The following NWD2 variants were observed in gnomAD, a reference collection of about 807,000 sequenced individuals.
NWD2 encodes NACHT and WD repeat domain-containing protein 2.
In NWD2, 37 loss-of-function variants were observed where a neutral mutation model predicts 132.7. That is an observed-to-expected ratio of 0.28 (90% CI 0.21 to 0.37). The LOEUF (loss-of-function observed/expected upper bound fraction) is 0.37. Among genes scored for constraint, NWD2 ranks in the 10% least tolerant of loss-of-function variants. The probability of loss-of-function intolerance (pLI) is 1.00; values close to 1 mark genes in which losing one functional copy is unlikely to be tolerated. For synonymous variants in NWD2, 705 were observed against 803.0 expected (o/e 0.88, Z 2.06); for missense variants, 1,592 against 2,122.4 (o/e 0.75, Z 4.91).
chr4:37,424,243 A>G lies in NWD2; in HGVS notation c.358-6329A>G, dbSNP rs536729003. On this transcript the variant is annotated intron_variant, in intron 3 of 6. Transcript: ENST00000309447. ...GGTAGCCCTGCCAAGGGTACTGCCT[A>G]CAAGAGCTATCACAATCAAATGAGC... 5.9e-5 allele frequency among the ~76,000 whole-genome samples: 9 copies of G among 152,364 alleles called. No individual in the cohort carries two copies. In the South Asian group the frequency reaches 1.5e-3, roughly 25 times the overall value.
intron 1 of NWD2, among the ~76,000 whole-genome samples, chr4:37,308,979 G>A (rs994963054): frequency 1.3e-5 from 2 of 152,214 alleles, no homozygotes; most frequent in African/African-American, 2.4e-5. Context: ...ATCAGTGGCA[G>A]CAGACATCAG....
At chr4:37,367,612 G>A (rs141152701) in intron 3 of NWD2, among the ~76,000 whole-genome samples, 168 of 152,256 alleles carry the variant, frequency 1.1e-3, no homozygotes, top group Non-Finnish European at 1.6e-3. Context: ...GCTGGAAAGA[G>A]CCTTAAGATA....
intron 3 of NWD2, among the ~76,000 whole-genome samples, chr4:37,397,818 C>T (rs1171306953): frequency 6.6e-6 from 1 of 151,296 alleles, no homozygotes; most frequent in Admixed American, 6.6e-5. Flanking sequence ...TCTCTTTCTC[C>T]CTCCCTCCTC....
intron 1 of NWD2, among the ~76,000 whole-genome samples, chr4:37,318,271 T>C (rs749524840): frequency 7.2e-5 from 11 of 152,000 alleles, no homozygotes; most frequent in Non-Finnish European, 1.5e-4. Context: ...GGCGATCCAC[T>C]GACCTTGGCC....
chr4:37,443,335 C>A lies in NWD2; in HGVS notation c.1347C>A (p.Val449=), dbSNP rs747628178. The A allele has an allele frequency of 1.3e-6, 2 of 1,551,722 alleles. No individual in the cohort carries two copies. Among genetic ancestry groups the A allele is most frequent in the South Asian group, 2.4e-5 (2 of 84,052 alleles). ...EDTGPESDPV[V]IVRFLGTTDM... ...CAGGACCAGAATCTGACCCAGTAGT[C>A]ATCGTGAGATTTCTAGGAACGACAG... The change falls in exon 7 of 7, where the codon GTC becomes GTA. Residue 449 remains valine (V), a synonymous_variant. Transcript: ENST00000309447. The surrounding 1 kb of genome is among the most constrained non-coding windows in gnomAD (Gnocchi z 4.1).
intron 1 of NWD2, among the ~76,000 whole-genome samples, chr4:37,285,071 C>A (rs1461636349): frequency 6.6e-6 from 1 of 151,998 alleles, no homozygotes; most frequent in Middle Eastern, 3.2e-3. Flanking sequence ...ACCGTCAGTA[C>A]CATACAATGT....
intron 1 of NWD2, among the ~76,000 whole-genome samples, chr4:37,314,485 C>T (rs1454517970): frequency 6.6e-6 from 1 of 152,056 alleles, no homozygotes; most frequent in Non-Finnish European, 1.5e-5. Context: ...CTTCCTGAGT[C>T]AGTTTTAGTA....
Position 37,282,692 on chromosome 4 carries a change from C to G in NWD2, c.151+37474C>G, listed in dbSNP as rs553120004. ...ATCTTATGTTTTGGGGCATTAGTGT[C>G]TCTTTGCTGGGTTCTGGTTACACAC... On this transcript the variant is annotated intron_variant, in intron 1 of 6. Transcript: ENST00000309447. 9.2e-5 allele frequency among the ~76,000 whole-genome samples: 14 copies of G among 152,258 alleles called. No individual in the cohort carries two copies. In the South Asian group the frequency reaches 2.9e-3, roughly 32 times the overall value.
chr4:37,352,683 ACTTTTTGCTTT>A (rs967427898), intron 2 of NWD2, among the ~76,000 whole-genome samples: 15 of 149,012 alleles, frequency 1.0e-4, no homozygotes, highest in African/African-American at 3.4e-4. Context: ...GATTGGTTTT[ACTTTTTGCTTT>A]CCATTTGCTT....
At chr4:37,403,420 A>T (rs1308847454) in intron 3 of NWD2, among the ~76,000 whole-genome samples, 1 of 151,992 alleles carries the variant, frequency 6.6e-6, no homozygotes. Flanking sequence ...ACATGTGCAA[A>T]GATCTAGGGG....
At chr4:37,287,030 G>A (rs1434204802) in intron 1 of NWD2, among the ~76,000 whole-genome samples, 1 of 152,168 alleles carries the variant, frequency 6.6e-6, no homozygotes, top group African/African-American at 2.4e-5. Flanking sequence ...GGAAGGAAGA[G>A]CAATGTGGTA....
At position 37,439,330 on chromosome 4, in the gene NWD2, T is replaced by C. The variant is rs1712418666; in HGVS notation, c.1236T>C (p.Leu412=). The C allele has an allele frequency of 1.3e-6, 2 of 1,543,468 alleles. No individual in the cohort carries two copies. Among genetic ancestry groups the C allele is most frequent in the Non-Finnish European group, 1.7e-6 (2 of 1,144,142 alleles). Residue 412 remains leucine, a synonymous_variant, in exon 6 of 7, where the codon CTT becomes CTC. Transcript: ENST00000309447. The surrounding 1 kb of genome is among the most constrained non-coding windows in gnomAD (Gnocchi z 4.5). ...LPSKAGHINP[L]IIYGGPCTGK... is the part of the protein sequence containing the mutation. ...GCAAAGCTGGACACATCAACCCTCTTATTATATATGGTGGGCCATGCACTG... is the reference window on the plus strand; with the variant it reads ...GCAAAGCTGGACACATCAACCCTCTCATTATATATGGTGGGCCATGCACTG...
intron 1 of NWD2, among the ~76,000 whole-genome samples, chr4:37,318,058 G>A (rs980624551): frequency 3.0e-5 from 3 of 100,898 alleles, no homozygotes; most frequent in Non-Finnish European, 5.6e-5. Flanking sequence ...TCTCGCTCTT[G>A]TCTGTCACCC....
intron 2 of NWD2, among the ~76,000 whole-genome samples, chr4:37,329,850 A>G (rs760136150): frequency 6.6e-6 from 1 of 152,204 alleles, no homozygotes; most frequent in Non-Finnish European, 1.5e-5. Context: ...TGCAAACAGG[A>G]AGAACTAAAG....
intron 1 of NWD2, among the ~76,000 whole-genome samples, chr4:37,296,009 T>G (rs1359059049): frequency 2.6e-5 from 4 of 152,214 alleles, no homozygotes; most frequent in East Asian, 1.9e-4. Context: ...ATGTAAAATT[T>G]GAGTCCCCTG....
intron 1 of NWD2, among the ~76,000 whole-genome samples, chr4:37,256,513 T>C (rs1044925205): frequency 8.5e-5 from 13 of 152,138 alleles, no homozygotes; most frequent in African/African-American, 2.9e-4. Flanking sequence ...TCACACTCGA[T>C]TGATGATATT....
At position 37,446,782 on chromosome 4, in the gene NWD2, T is replaced by C. The variant is rs773520136; in HGVS notation, c.4794T>C (p.Ser1598=). The change falls in exon 7 of 7, where the codon AGT becomes AGC. Residue 1598 remains serine, a synonymous_variant. Transcript: ENST00000309447. This position sits in a 1 kb window ranked among gnomAD's most constrained non-coding sequence, Gnocchi z 6.7. ...EEEDENGAIF[S]LIVMRLADGK... ...AGGATGAAAATGGTGCAATATTCAG[T>C]TTAATTGTAATGAGACTGGCAGATG... 11 of 1,551,886 alleles carry C rather than the reference T, an allele frequency of 7.1e-6. No homozygotes were observed. The South Asian group carries it at 1.3e-4, about 18-fold the overall frequency.
At chr4:37,301,695 T>C (rs1357176709) in intron 1 of NWD2, among the ~76,000 whole-genome samples, 1 of 152,068 alleles carries the variant, frequency 6.6e-6, no homozygotes, top group Non-Finnish European at 1.5e-5. Context: ...TTATTTGTAT[T>C]CTTTTATTCA....
intron 3 of NWD2, among the ~76,000 whole-genome samples, chr4:37,391,669 A>G (rs1206426378): frequency 6.6e-6 from 1 of 152,124 alleles, no homozygotes; most frequent in Non-Finnish European, 1.5e-5. Flanking sequence ...AGGAGTTTTT[A>G]GTGATACAAT....
Sources: gnomAD v4.1 joint callset for allele counts (sites outside exome capture counted in the v4.1 genomes callset) on GRCh38, gnomAD v4.1.1 for gene constraint, Gnocchi (gnomAD v3.1) non-coding constraint, MANE v1.5 for transcripts, NCBI Gene and HGNC (gene_info 2026-07-23, HGNC 2026-07-21) for gene names.